Variants in PRORP observed in about 807,000 individuals in gnomAD.
PRORP encodes mitochondrial ribonuclease P catalytic subunit.
A neutral mutation model predicts 59.4 loss-of-function variants in PRORP; 51 were observed. That is an observed-to-expected ratio of 0.86 (90% CI 0.69 to 1.08). The LOEUF (loss-of-function observed/expected upper bound fraction) is 1.08, where lower values mean the gene tolerates loss of function less well. Ranked by LOEUF, PRORP falls within the 50% of genes least tolerant of loss-of-function variation. The pLI is 0.00. For synonymous variants in PRORP, 231 were observed against 245.6 expected (o/e 0.94, Z 0.55); for missense variants, 646 against 690.3 (o/e 0.94, Z 0.72).
chr14:35,189,029 A>G (rs749542531), intron 5 of PRORP, among the ~76,000 whole-genome samples: 1 of 150,370 alleles, frequency 6.7e-6, no homozygotes, highest in Non-Finnish European at 1.5e-5. Context: ...TTATAGTTTT[A>G]GTTCTTGCAG....
chr14:35,172,453 C>CTT (rs2048337500), intron 4 of PRORP, among the ~76,000 whole-genome samples: 1 of 46,708 alleles, frequency 2.1e-5, no homozygotes, highest in African/African-American at 6.0e-5. Flanking sequence ...TCCTTCCTTC[C>CTT]TTCTTTCTTT....
At chr14:35,153,887 T>C (rs567581714) in intron 4 of PRORP, among the ~76,000 whole-genome samples, 1 of 152,352 alleles carries the variant, frequency 6.6e-6, no homozygotes, top group Admixed American at 6.5e-5. Context: ...CTTAACTAAT[T>C]TTAACTTGCT....
At chr14:35,245,462 G>T (rs555230374) in intron 5 of PRORP, among the ~76,000 whole-genome samples, 1 of 152,064 alleles carries the variant, frequency 6.6e-6, no homozygotes, top group Non-Finnish European at 1.5e-5. Context: ...GGGCAACATG[G>T]TGAGACCCCC....
At position 35,266,735 on chromosome 14, in the gene PRORP, T is replaced by C. The variant is rs368992507; in HGVS notation, c.1284T>C (p.Asn428=). ...PKVRESQLLL[N]VVSQLAKRNL... ...GGCTTTGTGTTTTTTAGCTCTTGAA[T>C]GTCGTCTCTCAACTAGCCAAACGGA... is the stretch of plus-strand genomic sequence containing the variant. Residue 428 remains asparagine, a synonymous_variant, in exon 6 of 8, where the codon AAT becomes AAC. Coordinates refer to ENST00000534898, the MANE Select transcript of PRORP (RefSeq NM_014672.4). The C allele has an allele frequency of 1.1e-5, 17 of 1,613,812 alleles. No homozygotes were observed. Among genetic ancestry groups the C allele is most frequent in the Non-Finnish European group, 9.3e-6 (11 of 1,179,894 alleles).
chr14:35,220,404 T>C (rs1232260996), intron 5 of PRORP, among the ~76,000 whole-genome samples: 3 of 152,132 alleles, frequency 2.0e-5, no homozygotes, highest in Admixed American at 2.0e-4. Flanking sequence ...TTAATAGGGG[T>C]TAAGAAAGAC....
intron 6 of PRORP, 23 bp from the exon 7 acceptor site, chr14:35,270,378 G>A (rs757270148): frequency 6.2e-7 from 1 of 1,607,126 alleles, no homozygotes; most frequent in Non-Finnish European, 8.5e-7. Context: ...GCTTGATTGT[G>A]TCCTTTCTTA....
At chr14:35,222,992 T>C (rs1040142694) in intron 5 of PRORP, among the ~76,000 whole-genome samples, 1 of 152,242 alleles carries the variant, frequency 6.6e-6, no homozygotes, top group Non-Finnish European at 1.5e-5. Flanking sequence ...TTACCTATCC[T>C]ACCTCTGAAT....
intron 5 of PRORP, among the ~76,000 whole-genome samples, chr14:35,201,163 A>G (rs954508433): frequency 1.3e-5 from 2 of 152,250 alleles, no homozygotes; most frequent in Non-Finnish European, 2.9e-5. Flanking sequence ...CCATATCAAA[A>G]GTAGATAGTA....
intron 4 of PRORP, among the ~76,000 whole-genome samples, chr14:35,132,306 A>G (rs1349501354): frequency 6.6e-6 from 1 of 150,432 alleles, no homozygotes; most frequent in Non-Finnish European, 1.5e-5. Flanking sequence ...AAATATATAA[A>G]AATTAGCCAG....
At chr14:35,226,421 AG>A (rs1224402489) in intron 5 of PRORP, among the ~76,000 whole-genome samples, 1 of 152,222 alleles carries the variant, frequency 6.6e-6, no homozygotes, top group Non-Finnish European at 1.5e-5. Context: ...TTAGCTAAGG[AG>A]GGATCAAATA....
At chr14:35,125,152 C>T (rs561566654) in intron 2 of PRORP, among the ~76,000 whole-genome samples, 62 of 152,248 alleles carry the variant, frequency 4.1e-4, no homozygotes, top group African/African-American at 7.9e-4. Flanking sequence ...TGAACCACCG[C>T]GTCCGGCCTA....
At chr14:35,173,576 G>A (rs1301261562) in intron 4 of PRORP, among the ~76,000 whole-genome samples, 6 of 152,014 alleles carry the variant, frequency 3.9e-5, no homozygotes, top group Admixed American at 3.3e-4. Flanking sequence ...GCCTCTGGTT[G>A]CCCCAAACTC....
intron 4 of PRORP, among the ~76,000 whole-genome samples, chr14:35,170,872 G>A (rs990894701): frequency 9.4e-5 from 14 of 148,450 alleles, no homozygotes; most frequent in Non-Finnish European, 1.5e-4. Context: ...TTTTTGTGAC[G>A]GAGTTTCACT....
chr14:35,122,117 C>T, upstream of PRORP: 1 of 649,194 alleles, frequency 1.5e-6, no homozygotes, highest in South Asian at 1.8e-5. Flanking sequence ...GAGGCAAAAA[C>T]AATTACTGTC....
At chr14:35,160,394 C>A (rs986073054) in intron 4 of PRORP, among the ~76,000 whole-genome samples, 19 of 152,208 alleles carry the variant, frequency 1.2e-4, no homozygotes, top group African/African-American at 4.6e-4. Flanking sequence ...ACATATTTAA[C>A]ATTAGTCAGA....
chr14:35,207,620 C>T (rs897691509), intron 5 of PRORP, among the ~76,000 whole-genome samples: 5 of 152,072 alleles, frequency 3.3e-5, no homozygotes, highest in Non-Finnish European at 5.9e-5. Flanking sequence ...TTATAGTGAA[C>T]GCTTAACACA....
chr14:35,221,455 C>G (rs1039823392), intron 5 of PRORP, among the ~76,000 whole-genome samples: 2 of 152,032 alleles, frequency 1.3e-5, no homozygotes, highest in Non-Finnish European at 2.9e-5. Context: ...TGTATTTCAA[C>G]ATGGATTTTT....
At chr14:35,262,948 C>G in intron 5 of PRORP, 1 of 1,597,512 alleles carries the variant, frequency 6.3e-7, no homozygotes, top group Non-Finnish European at 8.5e-7. Flanking sequence ...ATTCAGCAAG[C>G]CACGACAGTT....
At chr14:35,193,634 ATTTTTT>A (rs34186766) in intron 5 of PRORP, among the ~76,000 whole-genome samples, 2 of 129,862 alleles carry the variant, frequency 1.5e-5, no homozygotes, top group South Asian at 4.7e-4. Context: ...TCCCGGGTGT[ATTTTTT>A]TTTTTTTTTT....
Sources: allele counts gnomAD v4.1 joint callset (sites outside exome capture counted in the v4.1 genomes callset), GRCh38; gene constraint gnomAD v4.1.1; transcripts MANE v1.5; gene names NCBI Gene and HGNC (gene_info 2026-07-23, HGNC 2026-07-21).